Variants in CADM2 observed in about 807,000 individuals in gnomAD.
The protein encoded by CADM2 is cell adhesion molecule 2, also known as immunoglobulin superfamily member 4D.
In CADM2, 12 loss-of-function variants were observed where a neutral mutation model predicts 49.8. That is an observed-to-expected ratio of 0.24 (90% CI 0.15 to 0.39). The LOEUF (loss-of-function observed/expected upper bound fraction) is 0.39, where lower values mean the gene tolerates loss of function less well. Ranked by LOEUF, CADM2 falls within the 10% of genes least tolerant of loss-of-function variation. The probability of loss-of-function intolerance (pLI) is 1.00; values close to 1 mark genes in which losing one functional copy is unlikely to be tolerated. For synonymous variants in CADM2, 214 were observed against 175.4 expected (o/e 1.22, Z -1.74); for missense variants, 378 against 492.3 (o/e 0.77, Z 2.20).
chr3:85,827,580 T>G (rs1015921092), intron 3 of CADM2, among the ~76,000 whole-genome samples: 1 of 152,090 alleles, frequency 6.6e-6, no homozygotes, highest in Non-Finnish European at 1.5e-5. Flanking sequence ...CTATCTCTTT[T>G]ATTATTTTAG....
At chr3:84,970,044 C>CTTTTTT (rs33980527) in intron 1 of CADM2, among the ~76,000 whole-genome samples, 10 of 103,564 alleles carry the variant, frequency 9.7e-5, no homozygotes, top group Admixed American at 2.2e-4. Context: ...GACTGACCTG[C>CTTTTTT]TTTTTTTTTT....
At chr3:85,021,014 G>A (rs958758480) in intron 1 of CADM2, among the ~76,000 whole-genome samples, 3 of 151,364 alleles carry the variant, frequency 2.0e-5, no homozygotes, top group African/African-American at 7.3e-5. Context: ...CACTTTGGGA[G>A]GCCAAGGTGG....
At chr3:85,002,219 CCT>C (rs890092199) in intron 1 of CADM2, among the ~76,000 whole-genome samples, 1 of 151,990 alleles carries the variant, frequency 6.6e-6, no homozygotes, top group Non-Finnish European at 1.5e-5. Context: ...GCTCCCTTTT[CCT>C]CTGTTTATGC....
intron 1 of CADM2, among the ~76,000 whole-genome samples, chr3:85,189,061 T>A (rs7618516): frequency 0.097 from 8,931 of 92,250 alleles, 775 homozygotes; most frequent in African/African-American, 0.26. Context: ...AATAAATAAA[T>A]AAAATAAATA....
At chr3:86,013,015 G>A (rs1731743902) in intron 8 of CADM2, 5 of 978,008 alleles carry the variant, frequency 5.1e-6, no homozygotes, top group East Asian at 2.4e-5. Context: ...AAACATTATC[G>A]ATTATGTGCC....
chr3:85,052,230 T>G (rs1370080229), intron 1 of CADM2, among the ~76,000 whole-genome samples: 5 of 152,140 alleles, frequency 3.3e-5, no homozygotes, highest in Non-Finnish European at 7.4e-5. Flanking sequence ...ATAATGCAAT[T>G]AAATATGTCA....
chr3:85,787,781 G>A (rs1183738933), intron 2 of CADM2, among the ~76,000 whole-genome samples: 1 of 152,022 alleles, frequency 6.6e-6, no homozygotes, highest in Middle Eastern at 3.2e-3. Flanking sequence ...TAGAATAAGT[G>A]TAAGCTCCTT....
intron 1 of CADM2, among the ~76,000 whole-genome samples, chr3:85,162,912 A>T (rs2040369757): frequency 6.6e-6 from 1 of 152,056 alleles, no homozygotes; most frequent in African/African-American, 2.4e-5. Flanking sequence ...TAGTATGTAT[A>T]TGGAGATAGA....
intron 8 of CADM2, chr3:85,994,561 C>T (rs1229532528): frequency 2.0e-5 from 3 of 152,204 alleles, no homozygotes; most frequent in South Asian, 2.1e-4. Context: ...TTCAGCCTCT[C>T]GTGGCTTTCA....
chr3:85,024,804 CTGTT>C (rs532803381), intron 1 of CADM2, among the ~76,000 whole-genome samples: 200 of 151,842 alleles, frequency 1.3e-3, no homozygotes, highest in African/African-American at 4.2e-3. Context: ...ACATAAATAA[CTGTT>C]TGATTCAGAA....
At chr3:84,992,035 G>A (rs984701741) in intron 1 of CADM2, among the ~76,000 whole-genome samples, 7 of 152,204 alleles carry the variant, frequency 4.6e-5, no homozygotes, top group Middle Eastern at 3.4e-3. Flanking sequence ...AGAATTTTAG[G>A]GCAGTGATAC....
intron 1 of CADM2, among the ~76,000 whole-genome samples, chr3:85,172,759 C>T (rs2040661475): frequency 6.6e-6 from 1 of 150,854 alleles, no homozygotes; most frequent in South Asian, 2.1e-4. Context: ...TGCTGTAAGG[C>T]TGTTGTAATT....
intron 1 of CADM2, among the ~76,000 whole-genome samples, chr3:85,511,613 T>C (rs2040619796): frequency 6.6e-6 from 1 of 152,082 alleles, no homozygotes; most frequent in African/African-American, 2.4e-5. Context: ...AAAATAGATG[T>C]CTTCAACTCA....
intron 8 of CADM2, among the ~76,000 whole-genome samples, chr3:86,025,303 C>T (rs772548236): frequency 2.6e-5 from 4 of 152,020 alleles, no homozygotes; most frequent in African/African-American, 7.2e-5. Flanking sequence ...GTGATCTGCC[C>T]GCCTCGGCCT....
intron 1 of CADM2, among the ~76,000 whole-genome samples, chr3:85,599,693 A>G (rs2063340326): frequency 1.0e-5 from 1 of 99,996 alleles, no homozygotes; most frequent in Non-Finnish European, 2.4e-5. Context: ...AAAAATTAAA[A>G]AATTATGTCA....
chr3:85,585,769 T>C (rs2062926711), intron 1 of CADM2, among the ~76,000 whole-genome samples: 1 of 152,028 alleles, frequency 6.6e-6, no homozygotes, highest in South Asian at 2.1e-4. Context: ...AGAAATAGGC[T>C]TGGTCCCTTT....
intron 1 of CADM2, among the ~76,000 whole-genome samples, chr3:85,613,605 G>A (rs1296373833): frequency 1.3e-5 from 2 of 151,384 alleles, no homozygotes; most frequent in African/African-American, 4.8e-5. Flanking sequence ...TTTTCTTTTG[G>A]TTTGAGAATG....
At chr3:86,022,448 T>C (rs985623910) in intron 8 of CADM2, among the ~76,000 whole-genome samples, 1 of 152,176 alleles carries the variant, frequency 6.6e-6, no homozygotes, top group African/African-American at 2.4e-5. Flanking sequence ...ACTCAAACTT[T>C]AGAGGACTTC....
At chr3:85,110,170 AGAAAAATAACAATT>A (rs1266596860) in intron 1 of CADM2, among the ~76,000 whole-genome samples, 1 of 151,952 alleles carries the variant, frequency 6.6e-6, no homozygotes, top group Non-Finnish European at 1.5e-5. Flanking sequence ...TACAAAGAAA[AGAAAAATAACAATT>A]GAATGGGACT....
Sources: gnomAD v4.1 joint callset for allele counts (sites outside exome capture counted in the v4.1 genomes callset) on GRCh38, gnomAD v4.1.1 for gene constraint, MANE v1.5 for transcripts, NCBI Gene and HGNC (gene_info 2026-07-23, HGNC 2026-07-21) for gene names.